Variants in SLC6A11 observed in about 807,000 individuals in gnomAD.
The protein encoded by SLC6A11 is sodium- and chloride-dependent GABA transporter 3.
Under a neutral mutation model 74.8 loss-of-function variants are expected in SLC6A11, and 25 were observed. The ratio of observed to expected loss-of-function variants is 0.33; its 90% confidence interval spans 0.24 to 0.47. The LOEUF (loss-of-function observed/expected upper bound fraction) is 0.47. Ranked by LOEUF, SLC6A11 falls within the 20% of genes least tolerant of loss-of-function variation. SLC6A11 has a pLI of 1.00. For missense variants in SLC6A11, 574 were observed against 837.0 expected (o/e 0.69, Z 3.88); for synonymous variants, 330 against 330.2 (o/e 1.00, Z 0.01).
intron 4 of SLC6A11, among the ~76,000 whole-genome samples, chr3:10,830,656 T>C (rs569442143): frequency 1.3e-5 from 2 of 151,760 alleles, no homozygotes; most frequent in Non-Finnish European, 2.9e-5. Context: ...CTGAGAGAAG[T>C]GAGGGAGCAA....
intron 4 of SLC6A11, among the ~76,000 whole-genome samples, chr3:10,832,815 T>C (rs565652902): frequency 6.6e-6 from 1 of 152,346 alleles, no homozygotes; most frequent in South Asian, 2.1e-4. Context: ...AACACTCGAT[T>C]TCTTTAGTGC....
chr3:10,841,876 G>T (rs1694442470), intron 4 of SLC6A11, among the ~76,000 whole-genome samples: 1 of 152,226 alleles, frequency 6.6e-6, no homozygotes, highest in South Asian at 2.1e-4. Flanking sequence ...CCCTGGCTCA[G>T]TAGGGACCTC....
chr3:10,912,046 C>A (rs1373801983), intron 6 of SLC6A11, 44 bp from the exon 7 acceptor site: 1 of 1,310,276 alleles, frequency 7.6e-7, no homozygotes, highest in South Asian at 1.2e-5. Context: ...TCTCACCACA[C>A]ATCTGACTTC....
chr3:10,940,621 T>C lies in SLC6A11; in HGVS notation c.*2219T>C, dbSNP rs1559591731. 6.6e-6 allele frequency: 1 copy of C among 152,232 alleles called. No individual in the cohort carries two copies. The highest frequency in any genetic ancestry group is 1.5e-5 in the Non-Finnish European group (1 of 68,044). 9.4% of individuals were successfully genotyped at this position (152,232 alleles called of 1,614,324 possible). A position where few individuals can be genotyped will look rare whatever the true frequency, so the allele number is the denominator to read the frequency against. On this transcript the variant is annotated 3_prime_UTR_variant, in exon 14 of 14. Coordinates refer to ENST00000254488, the MANE Select transcript of SLC6A11 (RefSeq NM_014229.3). ...TATTATTAAAAAATGAAAAAGGTTG[T>C]ACTGTTTTGCATAATGAACATTTTT...
chr3:10,830,783 A>G (rs1181386903), intron 4 of SLC6A11, among the ~76,000 whole-genome samples: 1 of 152,124 alleles, frequency 6.6e-6, no homozygotes, highest in Non-Finnish European at 1.5e-5. Context: ...AAGAGCATGA[A>G]GGGCCTCTGT....
chr3:10,849,794 C>CAA (rs56099322), intron 5 of SLC6A11, among the ~76,000 whole-genome samples: 3 of 87,244 alleles, frequency 3.4e-5, no homozygotes, highest in Non-Finnish European at 6.7e-5. Context: ...TTGTTGAAGC[C>CAA]AAAAAAAAAA....
chr3:10,880,353 A>G (rs983886214), intron 6 of SLC6A11, among the ~76,000 whole-genome samples: 1 of 152,238 alleles, frequency 6.6e-6, no homozygotes, highest in African/African-American at 2.4e-5. Context: ...CACCACGAAG[A>G]AAAGTTCCCA....
At chr3:10,895,151 G>C (rs1189218389) in intron 6 of SLC6A11, among the ~76,000 whole-genome samples, 1 of 152,108 alleles carries the variant, frequency 6.6e-6, no homozygotes, top group Admixed American at 6.5e-5. Flanking sequence ...AGGCCCATGA[G>C]GATTCCAAGG....
chr3:10,838,388 C>G (rs1053682693), intron 4 of SLC6A11, among the ~76,000 whole-genome samples: 4 of 152,196 alleles, frequency 2.6e-5, no homozygotes, highest in Non-Finnish European at 5.9e-5. Context: ...GACACCCTCC[C>G]AACCTTGGGC....
At chr3:10,862,131 G>T (rs1051924198) in intron 5 of SLC6A11, among the ~76,000 whole-genome samples, 1 of 152,172 alleles carries the variant, frequency 6.6e-6, no homozygotes, top group Non-Finnish European at 1.5e-5. Flanking sequence ...GCACATCCTT[G>T]CCTGGGGAAC....
chr3:10,888,467 G>T (rs1293342092), intron 6 of SLC6A11, among the ~76,000 whole-genome samples: 1 of 152,220 alleles, frequency 6.6e-6, no homozygotes, highest in Non-Finnish European at 1.5e-5. Context: ...CAGCCTATGG[G>T]CAGTTGTGGC....
chr3:10,875,681 G>C (rs554260849), intron 6 of SLC6A11, among the ~76,000 whole-genome samples: 1 of 152,310 alleles, frequency 6.6e-6, no homozygotes, highest in African/African-American at 2.4e-5. Context: ...TAAGCTATCA[G>C]TTGTCTTTGG....
intron 5 of SLC6A11, among the ~76,000 whole-genome samples, chr3:10,861,108 T>G (rs1001995641): frequency 1.3e-5 from 2 of 152,204 alleles, no homozygotes; most frequent in African/African-American, 4.8e-5. Flanking sequence ...CAGCTTCCTT[T>G]GAGAGCTACC....
intron 10 of SLC6A11, among the ~76,000 whole-genome samples, chr3:10,931,278 C>A (rs1695681951): frequency 6.6e-6 from 1 of 152,096 alleles, no homozygotes; most frequent in South Asian, 2.1e-4. Flanking sequence ...CATGAAGGAC[C>A]AACTGGATTA....
At chr3:10,867,641 T>C (rs1043379351) in intron 5 of SLC6A11, among the ~76,000 whole-genome samples, 1 of 152,200 alleles carries the variant, frequency 6.6e-6, no homozygotes, top group African/African-American at 2.4e-5. Flanking sequence ...ATCTGGTCCT[T>C]TCCCACAAAT....
chr3:10,847,470 C>T (rs1281175874), intron 5 of SLC6A11, among the ~76,000 whole-genome samples: 4 of 152,136 alleles, frequency 2.6e-5, no homozygotes, highest in Non-Finnish European at 4.4e-5. Context: ...TGCCTAAGGC[C>T]AGCATTAGTG....
At chr3:10,884,647 T>C (rs1001288545) in intron 6 of SLC6A11, among the ~76,000 whole-genome samples, 10 of 152,316 alleles carry the variant, frequency 6.6e-5, no homozygotes, top group African/African-American at 2.4e-4. Flanking sequence ...TGCCCAGTCC[T>C]GGGCTGGCAT....
intron 6 of SLC6A11, among the ~76,000 whole-genome samples, chr3:10,903,779 A>C (rs1440053143): frequency 1.3e-5 from 2 of 152,202 alleles, no homozygotes; most frequent in South Asian, 4.1e-4. Context: ...AAGAGCCAGG[A>C]CGGTACTGAA....
chr3:10,840,167 C>T (rs1575671814), intron 4 of SLC6A11, among the ~76,000 whole-genome samples: 2 of 152,162 alleles, frequency 1.3e-5, no homozygotes. Context: ...CACAGTCTAG[C>T]CCCTGCTCCC....
Sources: allele counts gnomAD v4.1 joint callset (sites outside exome capture counted in the v4.1 genomes callset), GRCh38; gene constraint gnomAD v4.1.1; transcripts MANE v1.5; gene names NCBI Gene and HGNC (gene_info 2026-07-23, HGNC 2026-07-21).